The following PTPRM variants were observed in gnomAD, a reference collection of about 807,000 sequenced individuals.
PTPRM encodes the protein protein tyrosine phosphatase receptor type M, also known as receptor-type tyrosine-protein phosphatase mu.
In PTPRM, 47 loss-of-function variants were observed where a neutral mutation model predicts 186.7. That is an observed-to-expected ratio of 0.25 (90% CI 0.20 to 0.32). The LOEUF is 0.32. PTPRM is among the 10% of genes least tolerant of loss of function. The probability of loss-of-function intolerance (pLI) is 1.00; values close to 1 mark genes in which losing one functional copy is unlikely to be tolerated. For missense variants in PTPRM, 1,494 were observed against 1,865.0 expected, an observed-to-expected ratio of 0.80 and a Z score of 3.66; for synonymous variants, 668 against 674.9, an observed-to-expected ratio of 0.99 and a Z score of 0.16.
intron 29 of PTPRM, among the ~76,000 whole-genome samples, chr18:8,382,711 G>A (rs1173973229): frequency 6.6e-6 from 1 of 152,162 alleles, no homozygotes; most frequent in Non-Finnish European, 1.5e-5. Context: ...TTCTGTGATG[G>A]AGAGAGAGAT....
At chr18:7,669,666 C>T (rs968664717) in intron 1 of PTPRM, among the ~76,000 whole-genome samples, 3 of 152,132 alleles carry the variant, frequency 2.0e-5, no homozygotes, top group Admixed American at 6.5e-5. Context: ...CTTTGCCGTT[C>T]CCTCCCCATG....
chr18:7,732,015 C>T (rs996241784), intron 1 of PTPRM, among the ~76,000 whole-genome samples: 1 of 152,094 alleles, frequency 6.6e-6, no homozygotes. Context: ...CATTTTCTAA[C>T]GTCTTGATAG....
At position 8,069,673 on chromosome 18, in the gene PTPRM, C is replaced by G. The variant is rs761579172; in HGVS notation, c.1133-13C>G. 6.9e-6 allele frequency: 11 copies of G among 1,591,584 alleles called. No individual in the cohort carries two copies. The South Asian group carries it at 1.1e-4, about 16-fold the overall frequency. ...TCTCTCTCATGTTTTCTTTTGTCTT[C>G]TTTTCTAAATAGATCCCATGCGAGG... On this transcript the variant is annotated splice_polypyrimidine_tract_variant and intron_variant, in intron 7 of 32. Transcript: ENST00000580170.
chr18:8,208,036 G>A (rs1024014327), intron 14 of PTPRM, among the ~76,000 whole-genome samples: 1 of 152,162 alleles, frequency 6.6e-6, no homozygotes, highest in Admixed American at 6.5e-5. Flanking sequence ...GAGAAACAGG[G>A]ACTACCGAGG....
At chr18:7,989,603 C>G (rs886854264) in intron 7 of PTPRM, among the ~76,000 whole-genome samples, 1 of 152,136 alleles carries the variant, frequency 6.6e-6, no homozygotes, top group Non-Finnish European at 1.5e-5. Context: ...CTTCATCCTG[C>G]TAGATAACCT....
At chr18:8,364,388 G>A (rs2095615219) in intron 23 of PTPRM, among the ~76,000 whole-genome samples, 1 of 152,006 alleles carries the variant, frequency 6.6e-6, no homozygotes. Flanking sequence ...AACATCACAA[G>A]GTAGATGGAA....
chr18:7,762,788 A>G (rs2041838078), intron 1 of PTPRM, among the ~76,000 whole-genome samples: 1 of 152,218 alleles, frequency 6.6e-6, no homozygotes, highest in Non-Finnish European at 1.5e-5. Flanking sequence ...TGTCAGGCAG[A>G]GAGAGGCAGT....
Position 7,958,212 on chromosome 18 carries a change from A to G in PTPRM, c.1132+2798A>G, listed in dbSNP as rs868649670. Among the ~76,000 whole-genome samples, 275 of 151,552 alleles carry G rather than the reference A, an allele frequency of 1.8e-3. 1 individual carries two copies. The highest frequency in any genetic ancestry group is 6.8e-3 in the Middle Eastern group (2 of 292). ...TAGTGCCTCACCATCCCCTGCAAAA[A>G]AAAAAAAAAAAAAATCCTAAAATAA... On this transcript the variant is annotated intron_variant, in intron 7 of 32. Coordinates refer to ENST00000580170, the MANE Select transcript of PTPRM (RefSeq NM_001105244.2).
intron 4 of PTPRM, among the ~76,000 whole-genome samples, chr18:7,918,663 T>G (rs1441903440): frequency 1.3e-5 from 2 of 152,150 alleles, no homozygotes; most frequent in African/African-American, 4.8e-5. Flanking sequence ...TATTTTTGCT[T>G]GAGTTATTTG....
At chr18:8,249,473 G>A (rs57263260) in intron 17 of PTPRM, among the ~76,000 whole-genome samples, 9,578 of 152,142 alleles carry the variant, frequency 0.063, 439 homozygotes, top group African/African-American at 0.13. Flanking sequence ...CATAAGTGAG[G>A]GGCACAGGCT....
intron 1 of PTPRM, among the ~76,000 whole-genome samples, chr18:7,760,383 AT>A (rs138882953): frequency 6.2e-4 from 95 of 152,124 alleles, no homozygotes; most frequent in African/African-American, 2.2e-3. Context: ...TTAAATATTA[AT>A]TTTTTTTGTG....
intron 14 of PTPRM, among the ~76,000 whole-genome samples, chr18:8,146,423 T>A (rs886452935): frequency 1.3e-5 from 2 of 152,190 alleles, no homozygotes; most frequent in Non-Finnish European, 2.9e-5. Flanking sequence ...AGCATTTTTT[T>A]ATATGTTGGT....
At chr18:7,809,128 G>GA (rs2145453350) in intron 2 of PTPRM, among the ~76,000 whole-genome samples, 1 of 152,246 alleles carries the variant, frequency 6.6e-6, no homozygotes, top group East Asian at 1.9e-4. Flanking sequence ...TGGAGCTGGT[G>GA]GGTGTTCCCA....
At chr18:8,336,710 A>G (rs1294005219) in intron 22 of PTPRM, among the ~76,000 whole-genome samples, 1 of 151,772 alleles carries the variant, frequency 6.6e-6, no homozygotes, top group Non-Finnish European at 1.5e-5. Context: ...AGGGAAAGGT[A>G]GGGTCACACC....
intron 11 of PTPRM, 112 bp downstream of exon 11, chr18:8,088,963 A>G (rs1413725364): frequency 2.5e-6 from 2 of 800,702 alleles, no homozygotes; most frequent in Non-Finnish European, 4.1e-6. Flanking sequence ...CAGCATGTAA[A>G]TCCATATGTT....
At chr18:7,919,783 A>G (rs1483343923) in intron 4 of PTPRM, among the ~76,000 whole-genome samples, 1 of 152,094 alleles carries the variant, frequency 6.6e-6, no homozygotes, top group Non-Finnish European at 1.5e-5. Context: ...TTCTGTCTGA[A>G]TGATTGGTCT....
At position 8,343,472 on chromosome 18, in the gene PTPRM, A is replaced by G. The variant is rs768229683; in HGVS notation, c.3006A>G (p.Glu1002=). Residue 1002 remains glutamate, a synonymous_variant, in exon 23 of 33, where the codon GAA becomes GAG. Transcript: ENST00000580170. ...ACTTCTGGAGGATGGTGTGGCACGA[A>G]AACACTGCAAGTATCATCATGGTGA... The part of the protein sequence containing the change: ...IYDFWRMVWH[E]NTASIIMVTN... 9 of 1,614,016 alleles carry G rather than the reference A, an allele frequency of 5.6e-6. No individual in the cohort carries two copies. The highest frequency in any genetic ancestry group is 6.8e-6 in the Non-Finnish European group (8 of 1,180,004).
In PTPRM at chr18:7,869,590, G is replaced by A. The variant is rs532611721; in HGVS notation, c.197-18516G>A. Among the ~76,000 whole-genome samples, 48 of 152,194 alleles carry A rather than the reference G, an allele frequency of 3.2e-4. 1 individual carries two copies. The highest frequency in any genetic ancestry group is 9.7e-4 in the East Asian group (5 of 5,160). ...TCAGTTGGAAATGCAGAAATCACCC[G>A]CCTTCTGTGTTGATCTCGCTGGAAG... On this transcript the variant is annotated intron_variant, in intron 2 of 32. Coordinates refer to ENST00000580170, the MANE Select transcript of PTPRM (RefSeq NM_001105244.2).
chr18:7,891,862 G>A (rs1414743851), intron 3 of PTPRM, among the ~76,000 whole-genome samples: 2 of 152,122 alleles, frequency 1.3e-5, no homozygotes, highest in African/African-American at 2.4e-5. Flanking sequence ...GAGACAGAAC[G>A]AGACCCTGTC....
Sources: gnomAD v4.1 joint callset for allele counts (sites outside exome capture counted in the v4.1 genomes callset) on GRCh38, gnomAD v4.1.1 for gene constraint, MANE v1.5 for transcripts, NCBI Gene and HGNC (gene_info 2026-07-23, HGNC 2026-07-21) for gene names.